FGF12: variants seen among roughly 807,000 people sequenced by gnomAD.
The protein encoded by FGF12 is fibroblast growth factor 12.
In FGF12, 14 loss-of-function variants were observed where a neutral mutation model predicts 23.6. The observed-to-expected ratio is 0.59, with a 90% CI of 0.39 to 0.93. FGF12 has a LOEUF of 0.93. Among genes scored for constraint, FGF12 ranks in the 40% least tolerant of loss-of-function variants. FGF12 has a pLI of 0.00. For synonymous variants in FGF12, 62 were observed against 77.3 expected (o/e 0.80, Z 1.04); for missense variants, 175 against 217.8 (o/e 0.80, Z 1.24).
intron 2 of FGF12, among the ~76,000 whole-genome samples, chr3:192,413,729 G>C (rs1183258651): frequency 6.6e-6 from 1 of 152,176 alleles, no homozygotes. Context: ...TCCTTGTCTT[G>C]AGAACACAAA....
In FGF12 at chr3:192,186,356, G is replaced by A. The variant is rs79350840; in HGVS notation, c.229-15700C>T. Among the ~76,000 whole-genome samples the A allele has an allele frequency of 3.4e-3, 516 of 152,238 alleles. 8 individuals are homozygous for A. The highest frequency in any genetic ancestry group is 0.032 in the East Asian group (163 of 5,174). The stretch of plus-strand genomic sequence containing the variant: ...GGGTTCCTGTTCAGTTCATGACTAC[G>A]TGGTGCCACCATCTTGCATAAAGCC... On this transcript the variant is annotated intron_variant, in intron 4 of 5. Coordinates refer to ENST00000445105, the MANE Select transcript of FGF12 (RefSeq NM_004113.6).
At chr3:192,410,646 C>T (rs1195641457) in intron 2 of FGF12, among the ~76,000 whole-genome samples, 1 of 152,168 alleles carries the variant, frequency 6.6e-6, no homozygotes, top group African/African-American at 2.4e-5. Context: ...AAAAGTGTTT[C>T]CCTTCTTCTT....
chr3:192,333,028 C>T (rs1717205617), intron 4 of FGF12, among the ~76,000 whole-genome samples: 1 of 152,018 alleles, frequency 6.6e-6, no homozygotes, highest in African/African-American at 2.4e-5. Flanking sequence ...AAGGTAAACT[C>T]CATTACAAAA....
intron 2 of FGF12, among the ~76,000 whole-genome samples, chr3:192,697,486 C>T (rs1192376933): frequency 1.3e-5 from 2 of 152,150 alleles, no homozygotes; most frequent in African/African-American, 4.8e-5. Flanking sequence ...CTCCCATCCC[C>T]AGTTTAGTAT....
intron 5 of FGF12, among the ~76,000 whole-genome samples, chr3:192,148,901 G>A (rs1713880074): frequency 6.6e-6 from 1 of 152,158 alleles, no homozygotes; most frequent in Non-Finnish European, 1.5e-5. Context: ...TGGCCACTGA[G>A]CACGTACAAT....
At chr3:192,625,725 C>T (rs533229390) in intron 2 of FGF12, among the ~76,000 whole-genome samples, 28 of 151,872 alleles carry the variant, frequency 1.8e-4, no homozygotes, top group Admixed American at 1.4e-3. Context: ...TAGATTATCC[C>T]AAAGGGTATT....
intron 4 of FGF12, among the ~76,000 whole-genome samples, chr3:192,189,153 T>C (rs1716647602): frequency 6.6e-6 from 1 of 152,236 alleles, no homozygotes; most frequent in Non-Finnish European, 1.5e-5. Flanking sequence ...TCATGGTATC[T>C]CCAGTCCTGT....
chr3:192,646,890 T>C (rs1441433650), intron 2 of FGF12, among the ~76,000 whole-genome samples: 2 of 152,174 alleles, frequency 1.3e-5, no homozygotes, highest in African/African-American at 4.8e-5. Flanking sequence ...ATAAAGTTTT[T>C]TTTAAATGTC....
intron 2 of FGF12, among the ~76,000 whole-genome samples, chr3:192,585,414 C>A (rs1300527321): frequency 6.6e-6 from 1 of 152,154 alleles, no homozygotes; most frequent in Non-Finnish European, 1.5e-5. Flanking sequence ...TCAGGGATCT[C>A]AGTAGAGATC....
chr3:192,375,205 C>T (rs1438030115), intron 2 of FGF12, among the ~76,000 whole-genome samples: 1 of 152,146 alleles, frequency 6.6e-6, no homozygotes, highest in Non-Finnish European at 1.5e-5. Flanking sequence ...TAATAGATGG[C>T]TATAATCATT....
chr3:192,463,547 G>A lies in FGF12; in HGVS notation c.14-103009C>T, dbSNP rs1722923270. 2.0e-5 allele frequency among the ~76,000 whole-genome samples: 3 copies of A among 152,088 alleles called. No homozygotes were observed. In the South Asian group the frequency reaches 6.2e-4, roughly 32 times the overall value. ...GGGATGAACTCTTCAAGCTTACCTG[G>A]CCATTCCCAAAAGTTAACATCACAT... On this transcript the variant is annotated intron_variant, in intron 2 of 5. Coordinates refer to ENST00000445105, the MANE Select transcript of FGF12 (RefSeq NM_004113.6).
chr3:192,588,212 T>C (rs1396314203), intron 2 of FGF12, among the ~76,000 whole-genome samples: 24 of 150,008 alleles, frequency 1.6e-4, no homozygotes, highest in Non-Finnish European at 3.1e-4. Flanking sequence ...TAGCCGGGTG[T>C]GGTGGCGGGC....
At chr3:192,680,162 T>C (rs1308482703) in intron 2 of FGF12, among the ~76,000 whole-genome samples, 1 of 152,222 alleles carries the variant, frequency 6.6e-6, no homozygotes, top group Non-Finnish European at 1.5e-5. Flanking sequence ...CAGAAATAGA[T>C]ACTGTCAAGG....
chr3:192,581,454 GTATATATATATGTATATATA>G (rs1560158176), intron 2 of FGF12, among the ~76,000 whole-genome samples: 15 of 130,188 alleles, frequency 1.2e-4, no homozygotes, highest in Admixed American at 4.4e-4. Flanking sequence ...ATATGTGTGT[GTATATATATATGTATATATA>G]TGTGTGTGTG....
chr3:192,321,018 G>C (rs1266766832), intron 4 of FGF12, among the ~76,000 whole-genome samples: 3 of 152,006 alleles, frequency 2.0e-5, no homozygotes, highest in Non-Finnish European at 4.4e-5. Flanking sequence ...GAAATAAAAT[G>C]TTGGTTTTTT....
chr3:192,348,325 G>A (rs1718058733), intron 3 of FGF12, among the ~76,000 whole-genome samples: 1 of 152,014 alleles, frequency 6.6e-6, no homozygotes, highest in African/African-American at 2.4e-5. Context: ...CTCTATCTAG[G>A]CTGCTGAATA....
At chr3:192,415,776 A>ACACACACACACACT (rs1048145236) in intron 2 of FGF12, among the ~76,000 whole-genome samples, 1 of 143,544 alleles carries the variant, frequency 7.0e-6, no homozygotes, top group African/African-American at 2.6e-5. Context: ...ACACACACAC[A>ACACACACACACACT]CTCATGTTCA....
chr3:192,386,351 A>G (rs1720040929), intron 2 of FGF12, among the ~76,000 whole-genome samples: 1 of 152,184 alleles, frequency 6.6e-6, no homozygotes, highest in African/African-American at 2.4e-5. Context: ...TTATCTTGGG[A>G]ACAAATCTTA....
chr3:192,560,603 C>T (rs893322495), intron 2 of FGF12, among the ~76,000 whole-genome samples: 6 of 151,848 alleles, frequency 4.0e-5, no homozygotes, highest in South Asian at 4.2e-4. Flanking sequence ...TCTTGAAAAG[C>T]GTGAATTAAA....
Sources: allele counts gnomAD v4.1 joint callset (sites outside exome capture counted in the v4.1 genomes callset), GRCh38; gene constraint gnomAD v4.1.1; transcripts MANE v1.5; gene names NCBI Gene and HGNC (gene_info 2026-07-23, HGNC 2026-07-21).